Variants in RASGRP3 observed in about 807,000 individuals in gnomAD.
RASGRP3 encodes RAS guanyl releasing protein 3.
Under a neutral mutation model 82.7 loss-of-function variants are expected in RASGRP3, and 54 were observed. The observed-to-expected ratio is 0.65, with a 90% CI of 0.52 to 0.82. The LOEUF (loss-of-function observed/expected upper bound fraction) is 0.82. Among genes scored for constraint, RASGRP3 ranks in the 40% least tolerant of loss-of-function variants. The pLI is 0.00. For missense variants in RASGRP3, 861 were observed against 828.9 expected, an observed-to-expected ratio of 1.04 and a Z score of -0.48; for synonymous variants, 309 against 300.5, an observed-to-expected ratio of 1.03 and a Z score of -0.29.
At chr2:33,541,335 C>T (rs1442359368) in intron 12 of RASGRP3, among the ~76,000 whole-genome samples, 1 of 146,996 alleles carries the variant, frequency 6.8e-6, no homozygotes, top group African/African-American at 2.4e-5. Context: ...TATTCTCTAT[C>T]TCTACATATG....
intron 2 of RASGRP3, chr2:33,458,089 T>C (rs75966397): frequency 6.6e-6 from 1 of 151,886 alleles, no homozygotes; most frequent in Admixed American, 6.6e-5. Flanking sequence ...GCTTGCCCAC[T>C]TTTTTTTGTT....
At chr2:33,537,330 C>CCCCCCCCCCA (rs66749495) in intron 11 of RASGRP3, among the ~76,000 whole-genome samples, 3 of 95,710 alleles carry the variant, frequency 3.1e-5, no homozygotes, top group Non-Finnish European at 6.1e-5. Flanking sequence ...ACCGCCCCCC[C>CCCCCCCCCCA]CACACACACA....
At chr2:33,531,094 A>G (rs1457174637) in intron 10 of RASGRP3, 5 of 152,228 alleles carry the variant, frequency 3.3e-5, no homozygotes, top group African/African-American at 1.2e-4. Flanking sequence ...AAGAGTTTCA[A>G]AAATGGTGAG....
chr2:33,534,458 G>C (rs201241640), intron 11 of RASGRP3, 58 bp downstream of exon 11: 1 of 1,142,320 alleles, frequency 8.8e-7, no homozygotes, highest in African/African-American at 1.5e-5. Context: ...GTCATGTACA[G>C]TAATTGGCTA....
At chr2:33,539,054 A>G (rs1558503620) in intron 11 of RASGRP3, 40 bp from the exon 12 acceptor site, 1 of 1,368,228 alleles carries the variant, frequency 7.3e-7, no homozygotes, top group Non-Finnish European at 1.0e-6. Flanking sequence ...AATAATAATA[A>G]TAAAGTTGAA....
At chr2:33,495,839 A>T (rs553244881) in intron 1 of RASGRP3, among the ~76,000 whole-genome samples, 11 of 152,340 alleles carry the variant, frequency 7.2e-5, no homozygotes, top group African/African-American at 2.6e-4. Flanking sequence ...TGGTAATGTC[A>T]CTTGGTCTCA....
chr2:33,459,400 C>T (rs1018315590), intron 2 of RASGRP3, among the ~76,000 whole-genome samples: 1 of 152,224 alleles, frequency 6.6e-6, no homozygotes, highest in East Asian at 1.9e-4. Context: ...TCCCAAAGTG[C>T]TGGGATTACA....
intron 2 of RASGRP3, among the ~76,000 whole-genome samples, chr2:33,467,877 A>G (rs1666793319): frequency 6.6e-6 from 1 of 152,230 alleles, no homozygotes. Flanking sequence ...CTCTTCCTGT[A>G]TCCTTGAAAC....
intron 10 of RASGRP3, chr2:33,532,113 G>A (rs1198696823): frequency 6.6e-6 from 1 of 152,240 alleles, no homozygotes; most frequent in Admixed American, 6.5e-5. Context: ...ACAGTTGTCT[G>A]TTGTGGGAAT....
chr2:33,482,346 G>A (rs1668015416), intron 1 of RASGRP3: 1 of 152,200 alleles, frequency 6.6e-6, no homozygotes, highest in Non-Finnish European at 1.5e-5. Context: ...AAGGAACTTA[G>A]TGATCATTTT....
chr2:33,512,862 G>A (rs1671066863), intron 2 of RASGRP3, among the ~76,000 whole-genome samples: 1 of 152,144 alleles, frequency 6.6e-6, no homozygotes, highest in Admixed American at 6.5e-5. Context: ...CAATCTTGGA[G>A]CTTATGTTTA....
intron 1 of RASGRP3, among the ~76,000 whole-genome samples, chr2:33,488,420 T>TA (rs1407202561): frequency 6.6e-6 from 1 of 152,142 alleles, no homozygotes; most frequent in Non-Finnish European, 1.5e-5. Context: ...GCTTTATTAG[T>TA]AAAAAGGTAA....
In RASGRP3 at chr2:33,521,991, GA is replaced by G; in HGVS notation, c.411del (p.Val138TyrfsTer70). 1 of 1,613,714 alleles carries G rather than the reference GA, an allele frequency of 6.2e-7. No homozygotes were observed. The highest frequency in any genetic ancestry group is 8.5e-7 in the Non-Finnish European group (1 of 1,179,802). ...ACTGGATGAGAAGAGTCACACAGAG[GA>G]AAAAAGTATCCAAGAAGGGAAAAGC... ...YDWMRRVTQR[K>X]KVSKKGKACL... On this transcript the variant is annotated frameshift_variant, in exon 7 of 18. Transcript: ENST00000403687. LOFTEE classifies it high-confidence loss of function.
chr2:33,531,746 A>C (rs746847604), intron 10 of RASGRP3: 1 of 152,232 alleles, frequency 6.6e-6, no homozygotes, highest in Non-Finnish European at 1.5e-5. Flanking sequence ...CCAGTTATCC[A>C]TTTGACACAT....
intron 14 of RASGRP3, among the ~76,000 whole-genome samples, chr2:33,553,637 C>T (rs1216061169): frequency 6.6e-6 from 1 of 152,174 alleles, no homozygotes; most frequent in African/African-American, 2.4e-5. Context: ...CTGGATCATG[C>T]CCCTCTCTCT....
At chr2:33,562,061 C>T (rs989097072) in intron 17 of RASGRP3, among the ~76,000 whole-genome samples, 1 of 151,998 alleles carries the variant, frequency 6.6e-6, no homozygotes, top group African/African-American at 2.4e-5. Flanking sequence ...TACATATGTA[C>T]ATATACATAT....
chr2:33,508,837 G>C (rs1670652548), intron 1 of RASGRP3, among the ~76,000 whole-genome samples: 1 of 152,114 alleles, frequency 6.6e-6, no homozygotes, highest in South Asian at 2.1e-4. Context: ...TTGGGCTATT[G>C]TATCATCTAC....
chr2:33,510,493 C>A lies in RASGRP3; in HGVS notation c.-260-1217C>A, dbSNP rs142646701. 3.3e-4 allele frequency among the ~76,000 whole-genome samples: 50 copies of A among 152,262 alleles called. 1 individual carries two copies. Among genetic ancestry groups the A allele is most frequent in the Middle Eastern group, 3.4e-3 (1 of 294 alleles). ...TCCCTTGCTGGTGAGGCTGCTTGGCCCCCTAATAGGTGCTCCAGTGTCATC... is the reference window on the plus strand; with the variant it reads ...TCCCTTGCTGGTGAGGCTGCTTGGCACCCTAATAGGTGCTCCAGTGTCATC... On this transcript the variant is annotated intron_variant, in intron 1 of 17. Transcript: ENST00000403687.
intron 1 of RASGRP3, among the ~76,000 whole-genome samples, chr2:33,483,559 G>T (rs965904794): frequency 3.6e-5 from 5 of 138,092 alleles, no homozygotes; most frequent in African/African-American, 1.4e-4. Context: ...CACAATCTTA[G>T]CTCACTGCCA....
Sources: allele counts gnomAD v4.1 joint callset (sites outside exome capture counted in the v4.1 genomes callset), GRCh38; gene constraint gnomAD v4.1.1; transcripts MANE v1.5; gene names NCBI Gene and HGNC (gene_info 2026-07-23, HGNC 2026-07-21).